Variants in CACNA2D1 observed in about 807,000 individuals in gnomAD.
CACNA2D1 encodes the protein calcium voltage-gated channel auxiliary subunit alpha2delta 1.
A neutral mutation model predicts 171.5 loss-of-function variants in CACNA2D1; 53 were observed. That is an observed-to-expected ratio of 0.31 (90% confidence interval 0.25 to 0.39). The LOEUF is 0.39. CACNA2D1 is among the 10% of genes least tolerant of loss of function. CACNA2D1 has a pLI of 1.00. For missense variants in CACNA2D1, 903 were observed against 1,299.8 expected (o/e 0.69, Z 4.69); for synonymous variants, 442 against 443.1 (o/e 1.00, Z 0.03).
At position 81,967,183 on chromosome 7, in the gene CACNA2D1, T is replaced by C; in HGVS notation, c.2488A>G (p.Lys830Glu). Residue 830 changes from lysine to glutamate, a missense_variant, in exon 31 of 39, where the codon AAA becomes GAA. Transcript: ENST00000356860. Reference protein sequence around the residue: ...DPCAGPVCDCKRNSDVMDCVI... With the variant: ...DPCAGPVCDCERNSDVMDCVI... Reference sequence around the variant, plus strand: ...AGTTTTCTTACGTCACTGTTTCTTTTGCAGTCACAAACTGGACCAGCACAC... The same window carrying C: ...AGTTTTCTTACGTCACTGTTTCTTTCGCAGTCACAAACTGGACCAGCACAC... 2 of 1,608,030 alleles carry C rather than the reference T, an allele frequency of 1.2e-6. No homozygotes were observed. Among genetic ancestry groups the C allele is most frequent in the Non-Finnish European group, 8.5e-7 (1 of 1,175,810 alleles).
chr7:82,344,994 G>A (rs549821378), intron 2 of CACNA2D1, among the ~76,000 whole-genome samples: 54 of 152,084 alleles, frequency 3.6e-4, no homozygotes, highest in African/African-American at 1.2e-3. Context: ...CAGCACTCCC[G>A]GAAATCTTTC....
chr7:82,083,586 A>C (rs1810070992), intron 7 of CACNA2D1, among the ~76,000 whole-genome samples: 1 of 152,128 alleles, frequency 6.6e-6, no homozygotes. Flanking sequence ...TAAACTATGT[A>C]ATATATTCCC....
intron 3 of CACNA2D1, among the ~76,000 whole-genome samples, chr7:82,260,929 A>G (rs1229848862): frequency 6.6e-6 from 1 of 151,890 alleles, no homozygotes; most frequent in Non-Finnish European, 1.5e-5. Flanking sequence ...ATAAAATAAA[A>G]TATGTCCAAA....
At chr7:82,234,544 A>AT (rs2129284004) in intron 3 of CACNA2D1, among the ~76,000 whole-genome samples, 1 of 152,104 alleles carries the variant, frequency 6.6e-6, no homozygotes, top group East Asian at 1.9e-4. Flanking sequence ...CAATTTTATG[A>AT]TTTTTAAGCC....
chr7:82,403,778 C>G (rs1309526190), intron 1 of CACNA2D1, among the ~76,000 whole-genome samples: 1 of 152,146 alleles, frequency 6.6e-6, no homozygotes, highest in Non-Finnish European at 1.5e-5. Context: ...TCCCAGTGTC[C>G]TCCTCAATCT....
chr7:82,350,448 G>C (rs916519055), intron 1 of CACNA2D1, among the ~76,000 whole-genome samples: 1 of 152,052 alleles, frequency 6.6e-6, no homozygotes, highest in African/African-American at 2.4e-5. Flanking sequence ...GGTGGATCAC[G>C]AGGTCAGGAG....
At chr7:82,412,610 C>G (rs1328826910) in intron 1 of CACNA2D1, among the ~76,000 whole-genome samples, 23 of 151,828 alleles carry the variant, frequency 1.5e-4, no homozygotes, top group Admixed American at 1.5e-3. Context: ...TAAACCATTT[C>G]CTCTGATTTG....
chr7:82,013,241 A>G (rs1191960372), intron 14 of CACNA2D1, among the ~76,000 whole-genome samples: 2 of 151,986 alleles, frequency 1.3e-5, no homozygotes, highest in African/African-American at 2.4e-5. Flanking sequence ...GAAAATAACA[A>G]TATACTCATT....
intron 10 of CACNA2D1, among the ~76,000 whole-genome samples, chr7:82,042,578 G>A (rs1020267686): frequency 6.6e-6 from 1 of 152,084 alleles, no homozygotes; most frequent in Admixed American, 6.6e-5. Context: ...TAGAACTGCT[G>A]AGGACAATTT....
intron 1 of CACNA2D1, among the ~76,000 whole-genome samples, chr7:82,367,246 G>C (rs957343674): frequency 2.6e-5 from 4 of 152,004 alleles, no homozygotes; most frequent in African/African-American, 9.7e-5. Context: ...TGACTGCCGT[G>C]AGATGGTATC....
chr7:82,358,571 T>C (rs1282655834), intron 1 of CACNA2D1, among the ~76,000 whole-genome samples: 1 of 152,176 alleles, frequency 6.6e-6, no homozygotes, highest in Non-Finnish European at 1.5e-5. Flanking sequence ...AAGGATGTAC[T>C]CATGCTAATC....
chr7:82,366,100 G>C (rs1420912900), intron 1 of CACNA2D1, among the ~76,000 whole-genome samples: 1 of 152,198 alleles, frequency 6.6e-6, no homozygotes, highest in Non-Finnish European at 1.5e-5. Flanking sequence ...CTACAGCACA[G>C]ATATATAGGC....
intron 3 of CACNA2D1, among the ~76,000 whole-genome samples, chr7:82,221,314 T>A (rs934942217): frequency 6.6e-6 from 1 of 152,008 alleles, no homozygotes; most frequent in Non-Finnish European, 1.5e-5. Flanking sequence ...TAGAGAAAAA[T>A]TTTTAAACAC....
chr7:82,356,771 CT>C (rs1820473459), intron 1 of CACNA2D1, among the ~76,000 whole-genome samples: 1 of 151,972 alleles, frequency 6.6e-6, no homozygotes, highest in East Asian at 1.9e-4. Flanking sequence ...ATAGCATCCA[CT>C]TTTCAACAAG....
intron 3 of CACNA2D1, among the ~76,000 whole-genome samples, chr7:82,274,581 C>A (rs1809073968): frequency 6.6e-6 from 1 of 152,156 alleles, no homozygotes. Flanking sequence ...TCCTACATTT[C>A]TAATCAGTAC....
chr7:82,097,141 C>T (rs942662557), intron 6 of CACNA2D1, among the ~76,000 whole-genome samples: 1 of 152,074 alleles, frequency 6.6e-6, no homozygotes, highest in Admixed American at 6.5e-5. Flanking sequence ...TACAGGCACA[C>T]AGGCAGAAAT....
At chr7:82,178,805 G>A (rs989365959) in intron 3 of CACNA2D1, among the ~76,000 whole-genome samples, 2 of 151,792 alleles carry the variant, frequency 1.3e-5, no homozygotes, top group Non-Finnish European at 2.9e-5. Context: ...TACTCAATTC[G>A]CCCTCCCTCT....
At chr7:82,162,351 A>G (rs12531014) in intron 4 of CACNA2D1, among the ~76,000 whole-genome samples, 42,975 of 151,770 alleles carry the variant, frequency 0.28, 6,148 homozygotes, top group Middle Eastern at 0.37. Context: ...ATGAAAAGAT[A>G]AAGTGAAAAA....
intron 4 of CACNA2D1, among the ~76,000 whole-genome samples, chr7:82,150,325 T>TCCCCC (rs147202376): frequency 2.1e-5 from 3 of 142,484 alleles, no homozygotes; most frequent in African/African-American, 7.9e-5. Flanking sequence ...ACTTTTTTTT[T>TCCCCC]CCCCCCAGTA....
Sources: allele counts gnomAD v4.1 joint callset (sites outside exome capture counted in the v4.1 genomes callset), GRCh38; gene constraint gnomAD v4.1.1; transcripts MANE v1.5; gene names NCBI Gene and HGNC (gene_info 2026-07-23, HGNC 2026-07-21).